CD244: variants seen among roughly 807,000 people sequenced by gnomAD.
The protein encoded by CD244 is CD244 molecule, also known as natural killer cell receptor 2B4.
Under a neutral mutation model 45.5 loss-of-function variants are expected in CD244, and 20 were observed. The observed-to-expected ratio is 0.44, with a 90% confidence interval of 0.31 to 0.64. The LOEUF is 0.64. Among genes scored for constraint, CD244 ranks in the 30% least tolerant of loss-of-function variants. The pLI is 0.08. For synonymous variants in CD244, 185 were observed against 160.5 expected, an observed-to-expected ratio of 1.15 and a Z score of -1.15; for missense variants, 407 against 426.9, an observed-to-expected ratio of 0.95 and a Z score of 0.41.
At chr1:160,861,359 G>C (rs1044480599) in intron 1 of CD244, among the ~76,000 whole-genome samples, 1 of 152,194 alleles carries the variant, frequency 6.6e-6, no homozygotes, top group Non-Finnish European at 1.5e-5. Flanking sequence ...AATGCTCAGG[G>C]ACTCGGTAAC....
At position 160,839,194 on chromosome 1, in the gene CD244, G is replaced by A. The variant is rs183899239; in HGVS notation, c.656-145C>T. On this transcript the variant is annotated intron_variant, in intron 3 of 8. Coordinates refer to ENST00000368034, the MANE Select transcript of CD244 (RefSeq NM_016382.4). ...CGTGCTCTGAGAACTCACGGTCAAG[G>A]TTTTCTCTTTGCTCATTTGGTTAAC... 495 of 606,232 alleles carry A rather than the reference G, an allele frequency of 8.2e-4. 1 individual carries two copies. Among genetic ancestry groups the A allele is most frequent in the Non-Finnish European group, 1.2e-3 (397 of 341,752 alleles). 37.6% of individuals were successfully genotyped at this position (606,232 alleles called of 1,614,324 possible). A position where few individuals can be genotyped will look rare whatever the true frequency, so the allele number is the denominator to read the frequency against.
chr1:160,857,717 G>T (rs1429921568), intron 1 of CD244, among the ~76,000 whole-genome samples: 2 of 152,206 alleles, frequency 1.3e-5, no homozygotes, highest in Admixed American at 1.3e-4. Context: ...GTACTTTTCT[G>T]TATGTTGCAC....
At chr1:160,854,168 T>G (rs770450940) in intron 1 of CD244, among the ~76,000 whole-genome samples, 2 of 152,248 alleles carry the variant, frequency 1.3e-5, no homozygotes, top group Non-Finnish European at 2.9e-5. Context: ...GGTTTCACTT[T>G]ATTTTTATCT....
chr1:160,838,641 G>A, intron 4 of CD244, 123 bp from the exon 5 acceptor site: 1 of 747,842 alleles, frequency 1.3e-6, no homozygotes, highest in South Asian at 1.5e-5. Flanking sequence ...AAGGAGGCAA[G>A]TTAATGCTCT....
chr1:160,844,004 G>GT (rs565253008), intron 1 of CD244, among the ~76,000 whole-genome samples: 26 of 152,324 alleles, frequency 1.7e-4, no homozygotes, highest in South Asian at 1.7e-3. Context: ...TACCCAAAGA[G>GT]TAAGAGTGAA....
At chr1:160,849,937 G>A (rs955630334) in intron 1 of CD244, among the ~76,000 whole-genome samples, 3 of 152,054 alleles carry the variant, frequency 2.0e-5, no homozygotes, top group East Asian at 3.9e-4. Context: ...ACTTGAACCC[G>A]GGAAGCGGAG....
rs1201406266 is a variant in CD244 at position 160,837,680 on chromosome 1, G to A, written c.834+771C>T. ...GCTGGGTCTCCACAGCAAAGCGCCAGGGGGCAGTGGAAAGAAGGCACTTCC... is the reference window on the plus strand; with the variant it reads ...GCTGGGTCTCCACAGCAAAGCGCCAAGGGGCAGTGGAAAGAAGGCACTTCC... On this transcript the variant is annotated intron_variant, in intron 5 of 8. Transcript: ENST00000368034. Among the ~76,000 whole-genome samples the A allele has an allele frequency of 2.0e-5, 3 of 152,196 alleles. No individual in the cohort carries two copies. In the East Asian group the frequency reaches 5.8e-4, roughly 29 times the overall value.
chr1:160,835,185 C>T (rs1255007852), intron 6 of CD244, among the ~76,000 whole-genome samples: 1 of 152,084 alleles, frequency 6.6e-6, no homozygotes, highest in East Asian at 1.9e-4. Context: ...ATGTCCCAGC[C>T]TGGGTTATCA....
chr1:160,857,078 T>C (rs576772972), intron 1 of CD244, among the ~76,000 whole-genome samples: 6 of 152,374 alleles, frequency 3.9e-5, no homozygotes, highest in Admixed American at 2.6e-4. Flanking sequence ...CAGAATTTCA[T>C]GCAGGATACC....
chr1:160,843,408 G>A lies in CD244; in HGVS notation c.62-1507C>T, dbSNP rs367550539. On this transcript the variant is annotated intron_variant, in intron 1 of 8. Coordinates refer to ENST00000368034, the MANE Select transcript of CD244 (RefSeq NM_016382.4). ...AAAGACCCTGAGAACAAAGGTGAAT[G>A]GAAAAAATCATTACTAAACCTACAA... Among the ~76,000 whole-genome samples, 254 of 152,224 alleles carry A rather than the reference G, an allele frequency of 1.7e-3. 2 individuals are homozygous for A. The highest frequency in any genetic ancestry group is 5.8e-3 in the African/African-American group (242 of 41,532).
chr1:160,837,914 C>T (rs917958334), intron 5 of CD244, among the ~76,000 whole-genome samples: 1 of 152,228 alleles, frequency 6.6e-6, no homozygotes, highest in African/African-American at 2.4e-5. Flanking sequence ...CGAGAGGCTC[C>T]TGGAGGAGCC....
At chr1:160,861,945 AAG>A (rs1670325733) in intron 1 of CD244, among the ~76,000 whole-genome samples, 1 of 152,244 alleles carries the variant, frequency 6.6e-6, no homozygotes, top group Admixed American at 6.5e-5. Context: ...GAACTGGAGA[AAG>A]AGGGGAGCAG....
chr1:160,858,430 C>T (rs894324330), intron 1 of CD244, among the ~76,000 whole-genome samples: 6 of 152,170 alleles, frequency 3.9e-5, no homozygotes, highest in Non-Finnish European at 7.3e-5. Flanking sequence ...GATCTCAACT[C>T]AGGCTGTAAA....
chr1:160,833,525 C>G (rs1459709180), intron 7 of CD244, among the ~76,000 whole-genome samples: 3 of 152,224 alleles, frequency 2.0e-5, no homozygotes, highest in African/African-American at 2.4e-5. Flanking sequence ...ACGAACTCAG[C>G]TTGGAGAAGG....
intron 1 of CD244, among the ~76,000 whole-genome samples, chr1:160,855,544 G>A (rs2101892903): frequency 1.3e-5 from 2 of 152,266 alleles, no homozygotes; most frequent in African/African-American, 4.8e-5. Flanking sequence ...GTCCCAGAGG[G>A]GTACACACAC....
intron 7 of CD244, among the ~76,000 whole-genome samples, chr1:160,833,483 C>A (rs1342269025): frequency 6.6e-6 from 1 of 152,168 alleles, no homozygotes; most frequent in African/African-American, 2.4e-5. Context: ...TACCAGGATA[C>A]CCAACTCTGT....
At chr1:160,857,644 T>A (rs914236822) in intron 1 of CD244, among the ~76,000 whole-genome samples, 2 of 152,198 alleles carry the variant, frequency 1.3e-5, no homozygotes, top group African/African-American at 4.8e-5. Context: ...AGAGAACATG[T>A]GGTAGACACA....
chr1:160,830,405 C>T lies in CD244; in HGVS notation c.*942G>A, dbSNP rs964687461. On this transcript the variant is annotated 3_prime_UTR_variant, in exon 9 of 9. Coordinates refer to ENST00000368034, the MANE Select transcript of CD244 (RefSeq NM_016382.4). The stretch of plus-strand genomic sequence containing the variant: ...CTTGTTGAAATGTCTGGCCTGACGA[C>T]TCAGGGAACCCAGCATAGTGTCTAG... 6.6e-6 allele frequency: 1 copy of T among 152,322 alleles called. No individual in the cohort carries two copies. The highest frequency in any genetic ancestry group is 2.4e-5 in the African/African-American group (1 of 41,418). The allele number at this position is 152,322 out of a possible 1,614,324, so 9.4% of individuals were successfully genotyped here.
In CD244 at chr1:160,862,602, G is replaced by A; in HGVS notation, c.61+15C>T. 1.2e-6 allele frequency: 2 copies of A among 1,613,086 alleles called. No individual in the cohort carries two copies. The highest frequency in any genetic ancestry group is 1.7e-6 in the Non-Finnish European group (2 of 1,179,206). ...TAGTCCCTCCCTCGCCCCACGCCAG[G>A]TAGGACCTCCTTACCTTTGCCCTGA... On this transcript the variant is annotated intron_variant, in intron 1 of 8. Coordinates refer to ENST00000368034, the MANE Select transcript of CD244 (RefSeq NM_016382.4).
Sources: allele counts gnomAD v4.1 joint callset (sites outside exome capture counted in the v4.1 genomes callset), GRCh38; gene constraint gnomAD v4.1.1; transcripts MANE v1.5; gene names NCBI Gene and HGNC (gene_info 2026-07-23, HGNC 2026-07-21).